The following RPL4 variants were observed in gnomAD, a reference collection of about 807,000 sequenced individuals.
The protein encoded by RPL4 is large ribosomal subunit protein uL4.
RPL4 carries 3 observed loss-of-function variants against 47.7 expected under a neutral mutation model. The ratio of observed to expected loss-of-function variants is 0.06; its 90% CI spans 0.03 to 0.16. RPL4 has a LOEUF of 0.16. Ranked by LOEUF, RPL4 falls within the 10% of genes least tolerant of loss-of-function variation. RPL4 has a pLI of 1.00. For missense variants in RPL4, 413 were observed against 551.3 expected (o/e 0.75, Z 2.51); for synonymous variants, 208 against 182.1 (o/e 1.14, Z -1.15).
At position 66,501,770 on chromosome 15, in the gene RPL4, T is replaced by C. The variant is rs1258953949; in HGVS notation, c.546+18A>G. ...TGAACAAGGAGTACCAAACTGTAAA[T>C]GTGCTCATTGAACGGACCTTTTTGA... On this transcript the variant is annotated intron_variant, in intron 5 of 9. Transcript: ENST00000307961. The C allele has an allele frequency of 6.2e-6, 10 of 1,606,510 alleles. No homozygotes were observed. Among genetic ancestry groups the C allele is most frequent in the South Asian group, 2.2e-5 (2 of 89,666 alleles).
Position 66,502,718 on chromosome 15 carries a change from G to C in RPL4, c.315C>G (p.Thr105=). 1 of 1,614,070 alleles carries C rather than the reference G, an allele frequency of 6.2e-7. No individual in the cohort carries two copies. The highest frequency in any genetic ancestry group is 8.5e-7 in the Non-Finnish European group (1 of 1,179,980). ...TACGATGCCAACGGCGCCAGGTTTT[G>C]GTTGGTGCAAACATTCGGCCTCCAC... ...MCRGGRMFAP[T]KTWRRWHRRV... The change falls in exon 4 of 10, where the codon ACC becomes ACG. Residue 105 remains threonine, a synonymous_variant. Coordinates refer to ENST00000307961, the MANE Select transcript of RPL4 (RefSeq NM_000968.4).
intron 5 of RPL4, 139 bp downstream of exon 5, chr15:66,501,649 C>A: frequency 6.7e-7 from 1 of 1,501,070 alleles, no homozygotes; most frequent in East Asian, 2.3e-5. Flanking sequence ...AGTTAGGATT[C>A]AAACCCAAGT....
rs12910822 is a variant in RPL4, at chr15:66,498,423, A to G, written c.*984T>C. On this transcript the variant is annotated 3_prime_UTR_variant, in exon 10 of 10. Coordinates refer to ENST00000307961, the MANE Select transcript of RPL4 (RefSeq NM_000968.4). ...TCAGAGAGAAGCTGACAGTTTAACA[A>G]TCCAGATGCAAAACAAGACTTTTGA... The G allele has an allele frequency of 0.056, 8,567 of 152,308 alleles. 340 individuals are homozygous for G. Among genetic ancestry groups the G allele is most frequent in the Middle Eastern group, 0.11 (32 of 294 alleles). 9.4% of individuals were successfully genotyped at this position (152,308 alleles called of 1,614,324 possible).
intron 9 of RPL4, 76 bp downstream of exon 9, chr15:66,499,980 G>A (rs562752019): frequency 8.9e-5 from 139 of 1,558,994 alleles, no homozygotes; most frequent in East Asian, 1.4e-4. Flanking sequence ...CTGAGATCAC[G>A]CCATTGCACT....
At chr15:66,502,290 C>T in intron 4 of RPL4, 1 of 376,536 alleles carries the variant, frequency 2.7e-6, no homozygotes, top group South Asian at 3.1e-5. Context: ...AAAGAATGTG[C>T]AATTTTAACA....
In RPL4 at chr15:66,504,804, G is replaced by C. The variant is rs201791720; in HGVS notation, c.-14C>G. The C allele has an allele frequency of 2.5e-6, 4 of 1,611,510 alleles. No homozygotes were observed. The highest frequency in any genetic ancestry group is 2.7e-5 in the African/African-American group (2 of 74,842). ...TCCACTCACCATGGCGGAGAGAGGA[G>C]ACAGCCACGCTCCTCTCAGCCCGGC... On this transcript the variant is annotated 5_prime_UTR_variant, in exon 1 of 10. Coordinates refer to ENST00000307961, the MANE Select transcript of RPL4 (RefSeq NM_000968.4).
chr15:66,503,640 T>TG lies in RPL4; in HGVS notation c.4-112dup. ...TCAATTGCAGAAGAGACTGGTATGG[T>TG]GAGGCAAACAACCCTTAAACCAAAA... is the stretch of plus-strand genomic sequence containing the variant. On this transcript the variant is annotated intron_variant, in intron 1 of 9. Coordinates refer to ENST00000307961, the MANE Select transcript of RPL4 (RefSeq NM_000968.4). The TG allele has an allele frequency of 2.5e-6, 3 of 1,220,398 alleles. No homozygotes were observed. The South Asian group carries it at 5.0e-5, about 20-fold the overall frequency. The allele number at this position is 1,220,398 out of a possible 1,614,324, so 75.6% of individuals were successfully genotyped here. A position where few individuals can be genotyped will look rare whatever the true frequency, so the allele number is the denominator to read the frequency against.
chr15:66,500,823 T>TCATTTTGG lies in RPL4; in HGVS notation c.833+118_833+125dup, dbSNP rs900628392. The TCATTTTGG allele has an allele frequency of 6.0e-6, 7 of 1,160,996 alleles. No individual in the cohort carries two copies. The Admixed American group carries it at 1.1e-4, about 18-fold the overall frequency. The allele number at this position is 1,160,996 out of a possible 1,614,324, so 71.9% of individuals were successfully genotyped here. A position where few individuals can be genotyped will look rare whatever the true frequency, so the allele number is the denominator to read the frequency against. Reference sequence around the variant, plus strand: ...ACCAAAAATATAGACCAGGTGAGTCTCATTTTGGCATACTGTTGCTGCACA... The same window carrying TCATTTTGG: ...ACCAAAAATATAGACCAGGTGAGTCTCATTTTGGCATTTTGGCATACTGTTGCTGCACA... On this transcript the variant is annotated intron_variant, in intron 7 of 9. Transcript: ENST00000307961.
rs770465782 is a variant in RPL4, at chr15:66,503,492, T to C, written c.41A>G (p.Lys14Arg). 6.2e-7 allele frequency: 1 copy of C among 1,610,522 alleles called. No homozygotes were observed. Among genetic ancestry groups the C allele is most frequent in the South Asian group, 1.1e-5 (1 of 91,018 alleles). ...ARPLISVYSE[K>R]GESSGKNVTL... ...GACATTTTTGCCAGATGACTCCCCC[T>C]TTTCGGAGTACACCGATATCAGTGG... is the stretch of plus-strand genomic sequence containing the variant. The change falls in exon 2 of 10, where the codon AAG becomes AGG. Residue 14 changes from lysine (K) to arginine (R), a missense_variant. Physicochemically the swap from Lys to Arg is conservative, Grantham distance 26. Coordinates refer to ENST00000307961, the MANE Select transcript of RPL4 (RefSeq NM_000968.4).
chr15:66,503,860 C>T (rs1478919668), intron 1 of RPL4, among the ~76,000 whole-genome samples: 2 of 152,196 alleles, frequency 1.3e-5, no homozygotes, highest in African/African-American at 4.8e-5. Context: ...GGGCTCTACT[C>T]ATCCCAACTT....
At chr15:66,504,666 C>G (rs928793803) in intron 1 of RPL4, 122 bp downstream of exon 1, 1 of 1,421,342 alleles carries the variant, frequency 7.0e-7, no homozygotes, top group Non-Finnish European at 9.6e-7. Flanking sequence ...GAAAAAGACG[C>G]CTTTGGTCCT....
Position 66,500,192 on chromosome 15 carries a change from T to C in RPL4, c.918-16A>G, listed in dbSNP as rs1173397758. 1.9e-6 allele frequency: 3 copies of C among 1,613,884 alleles called. No individual in the cohort carries two copies. Among genetic ancestry groups the C allele is most frequent in the Non-Finnish European group, 2.5e-6 (3 of 1,179,954 alleles). On this transcript the variant is annotated splice_polypyrimidine_tract_variant and intron_variant, in intron 8 of 9. Transcript: ENST00000307961. ...GATCTTCTTGCTATAAAAAAGCAGA[T>C]ACTGTATCAACATTTTACTTAACAT...
rs1567033469 is a variant in RPL4, at chr15:66,499,304, A to G, written c.*103T>C. ...AAAAAATTCTAACCAAGCTTTACAG[A>G]GCACACCAAGTCATGTTTCTCACTG... is the stretch of plus-strand genomic sequence containing the variant. On this transcript the variant is annotated 3_prime_UTR_variant, in exon 10 of 10. Transcript: ENST00000307961. 1 of 1,414,208 alleles carries G rather than the reference A, an allele frequency of 7.1e-7. No homozygotes were observed. The highest frequency in any genetic ancestry group is 9.6e-7 in the Non-Finnish European group (1 of 1,046,618). 87.6% of individuals were successfully genotyped at this position (1,414,208 alleles called of 1,614,324 possible).
intron 8 of RPL4, 28 bp downstream of exon 8, chr15:66,500,265 G>A (rs556680430): frequency 1.6e-5 from 26 of 1,613,660 alleles, no homozygotes; most frequent in African/African-American, 1.3e-4. Context: ...GGGTTGGGGC[G>A]AGAATTACAC....
At chr15:66,500,892 C>T (rs1893596923) in intron 7 of RPL4, 57 bp downstream of exon 7, 1 of 1,565,360 alleles carries the variant, frequency 6.4e-7, no homozygotes. Context: ...TAAGCCAATT[C>T]TGAATGTTAA....
At chr15:66,501,698 G>A (rs2140714850) in intron 5 of RPL4, 90 bp downstream of exon 5, 1 of 1,556,366 alleles carries the variant, frequency 6.4e-7, no homozygotes, top group Non-Finnish European at 8.7e-7. Context: ...ACACATTAAG[G>A]ATTAGCTATA....
Position 66,499,179 on chromosome 15 carries a change from C to A in RPL4, c.*228G>T. On this transcript the variant is annotated 3_prime_UTR_variant, in exon 10 of 10. Coordinates refer to ENST00000307961, the MANE Select transcript of RPL4 (RefSeq NM_000968.4). ...CAACTTTTTTTAAATCATTCCCCTTCCACTGAACTCCATGGACTTAGTATA... is the reference window on the plus strand; with the variant it reads ...CAACTTTTTTTAAATCATTCCCCTTACACTGAACTCCATGGACTTAGTATA... 3 of 464,536 alleles carry A rather than the reference C, an allele frequency of 6.5e-6. No individual in the cohort carries two copies. In the South Asian group the frequency reaches 1.0e-4, roughly 16 times the overall value. The allele number at this position is 464,536 out of a possible 1,614,324, so 28.8% of individuals were successfully genotyped here.
At position 66,499,184 on chromosome 15, in the gene RPL4, G is replaced by T; in HGVS notation, c.*223C>A. 1 of 479,346 alleles carries T rather than the reference G, an allele frequency of 2.1e-6. No individual in the cohort carries two copies. The highest frequency in any genetic ancestry group is 3.6e-5 in the East Asian group (1 of 27,826). The allele number at this position is 479,346 out of a possible 1,614,324, so 29.7% of individuals were successfully genotyped here. On this transcript the variant is annotated 3_prime_UTR_variant, in exon 10 of 10. Transcript: ENST00000307961. ...TTTTTTAAATCATTCCCCTTCCACTGAACTCCATGGACTTAGTATAAATCC... is the reference window on the plus strand; with the variant it reads ...TTTTTTAAATCATTCCCCTTCCACTTAACTCCATGGACTTAGTATAAATCC...
intron 2 of RPL4, 44 bp from the exon 3 acceptor site, chr15:66,503,208 A>G: frequency 6.3e-7 from 1 of 1,599,368 alleles, no homozygotes; most frequent in Non-Finnish European, 8.6e-7. Context: ...TTCATCATAC[A>G]TACCAACCCA....
Sources: gnomAD v4.1 joint callset for allele counts (sites outside exome capture counted in the v4.1 genomes callset) on GRCh38, gnomAD v4.1.1 for gene constraint, MANE v1.5 for transcripts, NCBI Gene and HGNC (gene_info 2026-07-23, HGNC 2026-07-21) for gene names.